RYR1: variants seen among roughly 807,000 people sequenced by gnomAD.
RYR1 encodes ryanodine receptor 1, also known as central core disease of muscle.
A neutral mutation model predicts 583.5 loss-of-function variants in RYR1; 342 were observed. The observed-to-expected ratio is 0.59, with a 90% CI of 0.54 to 0.64. RYR1 has a LOEUF of 0.64. Among genes scored for constraint, RYR1 ranks in the 30% least tolerant of loss-of-function variants. RYR1 has a pLI of 0.00. For synonymous variants in RYR1, 2,791 were observed against 2,822.5 expected, an observed-to-expected ratio of 0.99 and a Z score of 0.35; for missense variants, 6,032 against 6,917.2, an observed-to-expected ratio of 0.87 and a Z score of 4.54.
Position 38,499,431 on chromosome 19 carries a change from ATCCT to A in RYR1, c.7027+189_7027+192del, listed in dbSNP as rs1969994481. On this transcript the variant is annotated intron_variant, in intron 43 of 105. Coordinates refer to ENST00000359596, the MANE Select transcript of RYR1 (RefSeq NM_000540.3). The surrounding 1 kb of genome is among the most constrained non-coding windows in gnomAD (Gnocchi z 7.3). Reference sequence around the variant, plus strand: ...TGGGTCCTGTGGCTGGCAGTGTTGGATCCTGGGGCTGGCGGGAGCCTGGTGTTAC... The same window carrying A: ...TGGGTCCTGTGGCTGGCAGTGTTGGAGGGGCTGGCGGGAGCCTGGTGTTAC... 6.7e-6 allele frequency among the ~76,000 whole-genome samples: 1 copy of A among 149,714 alleles called. No homozygotes were observed. Among genetic ancestry groups the A allele is most frequent in the South Asian group, 2.1e-4 (1 of 4,732 alleles).
chr19:38,541,723 AAAG>A (rs936605825), intron 84 of RYR1, among the ~76,000 whole-genome samples: 4 of 152,092 alleles, frequency 2.6e-5, no homozygotes, highest in Non-Finnish European at 5.9e-5. Context: ...CTCAAAAAAA[AAAG>A]GATTTCCTAC....
intron 84 of RYR1, among the ~76,000 whole-genome samples, 185 bp downstream of exon 84, chr19:38,538,145 CA>C (rs1195453762): frequency 6.6e-6 from 1 of 152,164 alleles, no homozygotes; most frequent in Non-Finnish European, 1.5e-5. Context: ...GGCCTATAAT[CA>C]CAGCACTTTG....
intron 95 of RYR1, among the ~76,000 whole-genome samples, chr19:38,572,660 T>C (rs747102482): frequency 3.9e-5 from 6 of 152,024 alleles, no homozygotes; most frequent in Non-Finnish European, 5.9e-5. Flanking sequence ...AGTTCTGAGT[T>C]CAGACCTCCC....
At chr19:38,542,405 T>G (rs1972237606) in intron 84 of RYR1, among the ~76,000 whole-genome samples, 1 of 152,202 alleles carries the variant, frequency 6.6e-6, no homozygotes, top group African/African-American at 2.4e-5. Flanking sequence ...TTCTCCCTGC[T>G]ACATAGTTGG....
Position 38,512,610 on chromosome 19 carries a change from T to A in RYR1, c.9472+127T>A. 1.1e-6 allele frequency: 1 copy of A among 920,210 alleles called. No homozygotes were observed. The highest frequency in any genetic ancestry group is 1.7e-6 in the Non-Finnish European group (1 of 574,088). 57.0% of individuals were successfully genotyped at this position (920,210 alleles called of 1,614,324 possible). On this transcript the variant is annotated intron_variant, in intron 63 of 105. Transcript: ENST00000359596. This position sits in a 1 kb window ranked among gnomAD's most constrained non-coding sequence, Gnocchi z 5.1. ...TTCTTGCTGTAAGCAAAGCATGCAGTCAGTACCTTGGCAGGTGGCAAATGA... is the reference window on the plus strand; with the variant it reads ...TTCTTGCTGTAAGCAAAGCATGCAGACAGTACCTTGGCAGGTGGCAAATGA...
At chr19:38,468,937 C>A (rs753770673) in intron 25 of RYR1, 29 bp from the exon 26 acceptor site, 1 of 1,613,170 alleles carries the variant, frequency 6.2e-7, no homozygotes, top group African/African-American at 1.3e-5. Flanking sequence ...TGTCTCCCCA[C>A]ACCATGTCTT....
rs371346276 is a variant in RYR1, at chr19:38,434,729, C to A, written c.45+855C>A. 3.2e-3 allele frequency among the ~76,000 whole-genome samples: 491 copies of A among 152,236 alleles called. 7 individuals are homozygous for A. Among genetic ancestry groups the A allele is most frequent in the African/African-American group, 0.011 (463 of 41,534 alleles). The stretch of plus-strand genomic sequence containing the variant: ...GAGGGGCTGCCATCTCCTTGTCCTT[C>A]CCATCTTCCCCTCCCAGTGGCTCCG... On this transcript the variant is annotated intron_variant, in intron 1 of 105. Coordinates refer to ENST00000359596, the MANE Select transcript of RYR1 (RefSeq NM_000540.3).
intron 89 of RYR1, among the ~76,000 whole-genome samples, chr19:38,549,086 T>C (rs949357358): frequency 6.6e-6 from 1 of 152,198 alleles, no homozygotes; most frequent in Non-Finnish European, 1.5e-5. Flanking sequence ...CAGCCCGTGC[T>C]TTCATGGGTT....
chr19:38,567,306 A>T (rs1043054806), intron 92 of RYR1, among the ~76,000 whole-genome samples: 1 of 152,110 alleles, frequency 6.6e-6, no homozygotes, highest in Non-Finnish European at 1.5e-5. Context: ...AGCCTGGGTG[A>T]CAGAGCAAGA....
intron 12 of RYR1, 25 bp downstream of exon 12, chr19:38,451,910 G>A: frequency 6.2e-7 from 1 of 1,613,902 alleles, no homozygotes; most frequent in Non-Finnish European, 8.5e-7. Flanking sequence ...CTCCCTGCTG[G>A]GGTGACTCCT....
In RYR1 at chr19:38,555,212, A is replaced by G. The variant is rs183600974; in HGVS notation, c.12283-5901A>G. Among the ~76,000 whole-genome samples the G allele has an allele frequency of 3.0e-3, 463 of 152,156 alleles. 1 individual carries two copies. The highest frequency in any genetic ancestry group is 6.6e-3 in the Admixed American group (101 of 15,254). On this transcript the variant is annotated intron_variant, in intron 89 of 105. Coordinates refer to ENST00000359596, the MANE Select transcript of RYR1 (RefSeq NM_000540.3). ...ACGCCTGTAATCCCAGTACTTTGGG[A>G]GGTCCAAGAGAGTGGACTGTTTGAG...
At position 38,499,298 on chromosome 19, in the gene RYR1, C is replaced by A; in HGVS notation, c.7027+55C>A. On this transcript the variant is annotated intron_variant, in intron 43 of 105. Transcript: ENST00000359596. The surrounding 1 kb of genome is among the most constrained non-coding windows in gnomAD (Gnocchi z 7.3). ...GAAGTATGGAGTCACTGGTCACACA[C>A]CTCCCTCGAGATGACTGCTCGCACC... is the stretch of plus-strand genomic sequence containing the variant. The A allele has an allele frequency of 6.2e-7, 1 of 1,613,148 alleles. No individual in the cohort carries two copies. The highest frequency in any genetic ancestry group is 8.5e-7 in the Non-Finnish European group (1 of 1,179,324).
chr19:38,505,364 C>A lies in RYR1; in HGVS notation c.8366C>A (p.Pro2789His). The A allele has an allele frequency of 6.2e-7, 1 of 1,612,290 alleles. No homozygotes were observed. ...ENIDEELKTH[P>H]MLRPYKTFSE... ...ATAGACGAGGAGCTGAAGACCCACC[C>A]CATGCTGAGGCCCTACAAGACCTTT... The change falls in exon 53 of 106, where the codon CCC (proline) becomes CAC (histidine). Residue 2789 changes from proline to histidine, a missense_variant. Pro to His is a moderately conservative substitution (Grantham distance 77). Around this residue, in one of 11 missense-constraint regions of RYR1, gnomAD observed 1,493 missense variants for 1,715.5 expected, o/e 0.87. Coordinates refer to ENST00000359596, the MANE Select transcript of RYR1 (RefSeq NM_000540.3).
Position 38,565,342 on chromosome 19 carries a change from C to G in RYR1, c.13008C>G (p.Leu4336=). The change falls in exon 91 of 106, where the codon CTC becomes CTG. Residue 4336 remains leucine (L), a synonymous_variant. Transcript: ENST00000359596. This position sits in a 1 kb window ranked among gnomAD's most constrained non-coding sequence, Gnocchi z 4.7. ...CGGCCACCGCAGTGGCGGCGCTGCT[C>G]TGGGCAGCAGTGACGCGCGCTGGGG... is the stretch of plus-strand genomic sequence containing the variant. ...REAATAVAAL[L]WAAVTRAGAA... is the part of the protein sequence containing the mutation. 8.0e-7 allele frequency: 1 copy of G among 1,257,032 alleles called. No individual in the cohort carries two copies. Among genetic ancestry groups the G allele is most frequent in the Non-Finnish European group, 9.9e-7 (1 of 1,007,912 alleles). The allele number at this position is 1,257,032 out of a possible 1,614,324, so 77.9% of individuals were successfully genotyped here. A position where few individuals can be genotyped will look rare whatever the true frequency, so the allele number is the denominator to read the frequency against.
In RYR1 at chr19:38,444,676, G is replaced by C; in HGVS notation, c.630G>C (p.Glu210Asp). The C allele has an allele frequency of 1.2e-6, 2 of 1,611,884 alleles. No homozygotes were observed. The highest frequency in any genetic ancestry group is 1.7e-6 in the Non-Finnish European group (2 of 1,178,968). Residue 210 changes from glutamate (E) to aspartate (D), a missense_variant and splice_region_variant, in exon 7 of 106, where the codon GAG (glutamate) becomes GAC (aspartate). Around this residue, in one of 11 missense-constraint regions of RYR1, gnomAD observed 338 missense variants for 441.6 expected, o/e 0.77. Coordinates refer to ENST00000359596, the MANE Select transcript of RYR1 (RefSeq NM_000540.3). The surrounding 1 kb of genome is among the most constrained non-coding windows in gnomAD (Gnocchi z 5.1). ...ACCCCATCTGCTCCCGCTGCGAAGA[G>C]GGTGAGGGCCCCAGACCTCCCCCTA... ...NMNPICSRCEEGFVTGGHVLR... is the reference protein window; with the variant it reads ...NMNPICSRCEDGFVTGGHVLR...
In RYR1 at chr19:38,551,025, C is replaced by CTTTTTTTTTTTTTTTTTTTTTTTTTT. The variant is rs71165560; in HGVS notation, c.12282+2619_12282+2644dup. The stretch of plus-strand genomic sequence containing the variant: ...CATTTATATCAGTGTGGATTCACGG[C>CTTTTTTTTTTTTTTTTTTTTTTTTTT]TTTTTTTTTTTTTTTTTTTTTTTTT... On this transcript the variant is annotated intron_variant, in intron 89 of 105. Transcript: ENST00000359596. 9.7e-5 allele frequency among the ~76,000 whole-genome samples: 4 copies of CTTTTTTTTTTTTTTTTTTTTTTTTTT among 41,312 alleles called. 2 individuals are homozygous for CTTTTTTTTTTTTTTTTTTTTTTTTTT. The highest frequency in any genetic ancestry group is 7.4e-4 in the Admixed American group (2 of 2,698). 27.1% of individuals were successfully genotyped at this position (41,312 alleles called of 152,430 possible).
chr19:38,568,613 A>G (rs1459513743), intron 93 of RYR1, among the ~76,000 whole-genome samples: 3 of 151,194 alleles, frequency 2.0e-5, no homozygotes, highest in Admixed American at 1.3e-4. Context: ...TTAGCCAGCC[A>G]TAGTGGTGCA....
chr19:38,533,533 T>A (rs146238953), intron 78 of RYR1, among the ~76,000 whole-genome samples: 4,425 of 152,298 alleles, frequency 0.029, 82 homozygotes, highest in Admixed American at 0.047. Flanking sequence ...GGCTCACACT[T>A]GTAATTCCAG....
At chr19:38,494,312 C>G (rs762210847) in intron 38 of RYR1, 40 bp from the exon 39 acceptor site, 5 of 1,610,540 alleles carry the variant, frequency 3.1e-6, no homozygotes, top group African/African-American at 1.3e-5. Flanking sequence ...GCCGACCTGC[C>G]CTGCATGGTG....
Sources: gnomAD v4.1 joint callset for allele counts (sites outside exome capture counted in the v4.1 genomes callset) on GRCh38, gnomAD v4.1.1 for gene constraint, gnomAD v4.1.1 regional missense constraint, Gnocchi (gnomAD v3.1) non-coding constraint, MANE v1.5 for transcripts, NCBI Gene and HGNC (gene_info 2026-07-23, HGNC 2026-07-21) for gene names.